ACSS1: variants seen among roughly 807,000 people sequenced by gnomAD.
ACSS1 encodes acyl-CoA synthetase short chain family member 1.
A neutral mutation model predicts 75.3 loss-of-function variants in ACSS1; 42 were observed. The ratio of observed to expected loss-of-function variants is 0.56; its 90% CI spans 0.44 to 0.72. The LOEUF is 0.72. Among genes scored for constraint, ACSS1 ranks in the 30% least tolerant of loss-of-function variants. The probability of loss-of-function intolerance (pLI) is 0.00; values close to 1 mark genes in which losing one functional copy is unlikely to be tolerated. For synonymous variants in ACSS1, 380 were observed against 376.8 expected (o/e 1.01, Z -0.10); for missense variants, 782 against 935.7 (o/e 0.84, Z 2.14).
intron 1 of ACSS1, among the ~76,000 whole-genome samples, chr20:25,052,144 G>A (rs576714380): frequency 2.6e-5 from 4 of 152,186 alleles, no homozygotes; most frequent in African/African-American, 9.6e-5. Context: ...AGGATGAAAA[G>A]GTAGAAAGGA....
chr20:25,041,425 A>C (rs2089002222), intron 2 of ACSS1, among the ~76,000 whole-genome samples: 1 of 152,104 alleles, frequency 6.6e-6, no homozygotes, highest in Admixed American at 6.5e-5. Context: ...CACAGATGGC[A>C]CCGTACTCCC....
chr20:25,057,662 G>T, intron 1 of ACSS1, 107 bp downstream of exon 1: 3 of 1,171,032 alleles, frequency 2.6e-6, no homozygotes, highest in East Asian at 2.7e-5. Context: ...GGCCCCTGCA[G>T]GGCTGCGATC....
intron 3 of ACSS1, among the ~76,000 whole-genome samples, chr20:25,027,393 C>T (rs1289822799): frequency 6.6e-6 from 1 of 152,156 alleles, no homozygotes; most frequent in African/African-American, 2.4e-5. Context: ...AACTCTTCCA[C>T]AAAATGCTAG....
chr20:25,023,258 T>G (rs556049269), intron 4 of ACSS1, among the ~76,000 whole-genome samples, 166 bp from the exon 5 acceptor site: 10 of 152,208 alleles, frequency 6.6e-5, no homozygotes, highest in Non-Finnish European at 1.5e-4. Flanking sequence ...AAAGCGTGGG[T>G]GCAAGCATTT....
At chr20:25,047,008 G>A (rs962121667) in intron 2 of ACSS1, 138 of 730,406 alleles carry the variant, frequency 1.9e-4, no homozygotes, top group Admixed American at 4.0e-4. Flanking sequence ...GGAGGAACGA[G>A]CAGGACAGGG....
At chr20:25,052,244 A>T (rs1361966565) in intron 1 of ACSS1, among the ~76,000 whole-genome samples, 9 of 152,224 alleles carry the variant, frequency 5.9e-5, no homozygotes, top group Non-Finnish European at 1.2e-4. Flanking sequence ...GTTTAAAAAA[A>T]AATCTGCCCA....
chr20:25,009,246 C>T (rs777428890), intron 13 of ACSS1, 24 bp downstream of exon 13: 6 of 1,543,554 alleles, frequency 3.9e-6, no homozygotes, highest in African/African-American at 1.4e-5. Context: ...AGCACAGCCC[C>T]ATCTTTGTGG....
intron 2 of ACSS1, among the ~76,000 whole-genome samples, chr20:25,034,117 G>A (rs1400990603): frequency 6.6e-6 from 1 of 152,200 alleles, no homozygotes; most frequent in African/African-American, 2.4e-5. Context: ...GAAGTGGAAA[G>A]GATCCTTGGA....
intron 2 of ACSS1, among the ~76,000 whole-genome samples, chr20:25,042,637 A>C (rs1435072385): frequency 6.6e-6 from 1 of 152,146 alleles, no homozygotes; most frequent in Admixed American, 6.5e-5. Context: ...GCAGAAGAGC[A>C]AGGGGCAAGG....
intron 1 of ACSS1, among the ~76,000 whole-genome samples, chr20:25,053,628 G>A (rs368789737): frequency 2.6e-5 from 4 of 152,020 alleles, no homozygotes; most frequent in Non-Finnish European, 4.4e-5. Context: ...AAGCACAGGC[G>A]CACAGCGTCT....
chr20:25,058,039 C>G lies in ACSS1; in HGVS notation c.64G>C (p.Gly22Arg), dbSNP rs1019550529. 7.3e-7 allele frequency: 1 copy of G among 1,361,188 alleles called. No homozygotes were observed. Among genetic ancestry groups the G allele is most frequent in the Non-Finnish European group, 9.4e-7 (1 of 1,064,788 alleles). The allele number at this position is 1,361,188 out of a possible 1,614,324, so 84.3% of individuals were successfully genotyped here. ...CCGCACGGCGGCCGCGCGGGCTGCC[C>G]CGAGAGCCCTCGCAGGCTGCCCAGC... Reference protein sequence around the residue: ...RLLGSLRGLSGQPARPPCGVS... With the variant: ...RLLGSLRGLSRQPARPPCGVS... The change falls in exon 1 of 14, where the codon GGG (glycine) becomes CGG (arginine). Residue 22 changes from glycine (G) to arginine (R), a missense_variant. Physicochemically the swap from Gly to Arg is moderately radical, Grantham distance 125. This residue lies in a region of ACSS1 where 377 missense variants were observed against 383.1 expected (regional missense o/e 0.98). Coordinates refer to ENST00000323482, the MANE Select transcript of ACSS1 (RefSeq NM_032501.4).
chr20:25,037,818 C>T (rs1416593207), intron 2 of ACSS1, among the ~76,000 whole-genome samples: 1 of 152,222 alleles, frequency 6.6e-6, no homozygotes, highest in Non-Finnish European at 1.5e-5. Context: ...GCCTGGGGAA[C>T]AGACTCCTTC....
In ACSS1 at chr20:25,038,021, C is replaced by T. The variant is rs575783422; in HGVS notation, c.432-7063G>A. ...ATGACATTTAGCAAAGAGAAGCTGC[C>T]GTGAAAACATAAAGTGGCAGCCGCA... is the stretch of plus-strand genomic sequence containing the variant. On this transcript the variant is annotated intron_variant, in intron 2 of 13. Transcript: ENST00000323482. Among the ~76,000 whole-genome samples, 21 of 152,292 alleles carry T rather than the reference C, an allele frequency of 1.4e-4. No individual in the cohort carries two copies. The South Asian group carries it at 4.1e-3, about 30-fold the overall frequency.
rs151105114 is a variant in ACSS1, at chr20:25,043,932, A to G, written c.431+4153T>C. Among the ~76,000 whole-genome samples, 367 of 152,320 alleles carry G rather than the reference A, an allele frequency of 2.4e-3. 3 individuals carry two copies. Among genetic ancestry groups the G allele is most frequent in the African/African-American group, 8.5e-3 (353 of 41,554 alleles). ...CTCTGGCTTAAGATGCTCTCATTTAAGTTCAAGTTTAAGTTCACACCCCCC... is the reference window on the plus strand; with the variant it reads ...CTCTGGCTTAAGATGCTCTCATTTAGGTTCAAGTTTAAGTTCACACCCCCC... On this transcript the variant is annotated intron_variant, in intron 2 of 13. Coordinates refer to ENST00000323482, the MANE Select transcript of ACSS1 (RefSeq NM_032501.4).
At chr20:25,049,857 G>A (rs73095996) in intron 1 of ACSS1, among the ~76,000 whole-genome samples, 9,379 of 152,038 alleles carry the variant, frequency 0.062, 313 homozygotes, top group Non-Finnish European at 0.067. Flanking sequence ...AAAGTCCCCC[G>A]GTAACAGTCC....
At chr20:25,010,881 T>C (rs760247064) in intron 12 of ACSS1, 5 of 152,162 alleles carry the variant, frequency 3.3e-5, no homozygotes, top group Non-Finnish European at 7.3e-5. Flanking sequence ...TGGGTCTAGG[T>C]CCTAGACAAG....
At chr20:25,057,143 G>C (rs768571588) in intron 1 of ACSS1, among the ~76,000 whole-genome samples, 16 of 152,078 alleles carry the variant, frequency 1.1e-4, no homozygotes, top group Non-Finnish European at 2.2e-4. Context: ...CCGAGAACGA[G>C]AACGGGGAGG....
At chr20:25,053,562 C>T (rs2089205258) in intron 1 of ACSS1, among the ~76,000 whole-genome samples, 1 of 152,042 alleles carries the variant, frequency 6.6e-6, no homozygotes, top group African/African-American at 2.4e-5. Flanking sequence ...ATGTAGAGTT[C>T]CCTGAAAAAC....
chr20:25,014,831 C>A (rs914287827), intron 8 of ACSS1, among the ~76,000 whole-genome samples: 2 of 152,206 alleles, frequency 1.3e-5, no homozygotes, highest in South Asian at 2.1e-4. Context: ...GCACACCAGG[C>A]CTTGGGCAGC....
Sources: gnomAD v4.1 joint callset for allele counts (sites outside exome capture counted in the v4.1 genomes callset) on GRCh38, gnomAD v4.1.1 for gene constraint, gnomAD v4.1.1 regional missense constraint, MANE v1.5 for transcripts, NCBI Gene and HGNC (gene_info 2026-07-23, HGNC 2026-07-21) for gene names.